The following CHKA variants were observed in gnomAD, a reference collection of about 807,000 sequenced individuals.
The protein encoded by CHKA is CHETK-alpha.
In CHKA, 34 loss-of-function variants were observed where a neutral mutation model predicts 60.1. The ratio of observed to expected loss-of-function variants is 0.57; its 90% CI spans 0.43 to 0.75. CHKA has a LOEUF of 0.75. Ranked by LOEUF, CHKA falls within the 30% of genes least tolerant of loss-of-function variation. CHKA has a pLI of 0.00. For missense variants in CHKA, 563 were observed against 561.3 expected, an observed-to-expected ratio of 1.00 and a Z score of -0.03; for synonymous variants, 217 against 223.1, an observed-to-expected ratio of 0.97 and a Z score of 0.24.
intron 2 of CHKA, among the ~76,000 whole-genome samples, chr11:68,084,133 G>C (rs1306701378): frequency 2.6e-5 from 4 of 151,130 alleles, no homozygotes; most frequent in African/African-American, 9.7e-5. Context: ...TGTAATCCCA[G>C]CTACTCAGGA....
chr11:68,097,200 T>C (rs2153023779), intron 1 of CHKA, 70 bp from the exon 2 acceptor site: 3 of 1,187,000 alleles, frequency 2.5e-6, no homozygotes, highest in African/African-American at 3.0e-5. Context: ...TGGATAAATA[T>C]GGATGAAAAG....
intron 2 of CHKA, among the ~76,000 whole-genome samples, chr11:68,092,778 T>A (rs1044538440): frequency 1.3e-5 from 2 of 152,192 alleles, no homozygotes; most frequent in African/African-American, 4.8e-5. Flanking sequence ...TCTGAGACTC[T>A]AGGCTTCATG....
intron 11 of CHKA, 182 bp downstream of exon 11, chr11:68,061,771 C>T: frequency 3.1e-6 from 2 of 646,798 alleles, no homozygotes; most frequent in Non-Finnish European, 5.7e-6. Context: ...GCGGCTTCTC[C>T]CCCGGCTTCC....
At chr11:68,093,045 T>C (rs1299737800) in intron 2 of CHKA, among the ~76,000 whole-genome samples, 1 of 149,052 alleles carries the variant, frequency 6.7e-6, no homozygotes, top group Non-Finnish European at 1.5e-5. Flanking sequence ...TCTCTCTCTG[T>C]CCCCCAGGCT....
chr11:68,075,344 C>T (rs1170004416), intron 3 of CHKA, among the ~76,000 whole-genome samples: 1 of 151,876 alleles, frequency 6.6e-6, no homozygotes, highest in Non-Finnish European at 1.5e-5. Flanking sequence ...GCTTTCTAGT[C>T]CAAAGAGCAC....
chr11:68,058,423 G>A (rs1055612962), intron 11 of CHKA, among the ~76,000 whole-genome samples: 1 of 152,176 alleles, frequency 6.6e-6, no homozygotes, highest in African/African-American at 2.4e-5. Flanking sequence ...GGGAGAATGA[G>A]CATCTTTACC....
In CHKA at chr11:68,097,110, A is replaced by G; in HGVS notation, c.371T>C (p.Leu124Pro). 2 of 1,613,626 alleles carry G rather than the reference A, an allele frequency of 1.2e-6. No individual in the cohort carries two copies. The highest frequency in any genetic ancestry group is 1.7e-6 in the Non-Finnish European group (2 of 1,179,768). ...GGTGTCAGGTAGGGAGCACTGGAAC[A>G]GCATGTTGCTAAGGCCGCCTCTGTC... is the stretch of plus-strand genomic sequence containing the variant. ...SVIRGGLSNM[L>P]FQCSLPDTTA... The change falls in exon 2 of 12, where the codon CTG becomes CCG. Residue 124 changes from leucine (L) to proline (P), a missense_variant. Physicochemically the swap from Leu to Pro is moderately conservative, Grantham distance 98. Coordinates refer to ENST00000265689, the MANE Select transcript of CHKA (RefSeq NM_001277.3).
chr11:68,069,178 C>T (rs563323177), intron 6 of CHKA, among the ~76,000 whole-genome samples: 1 of 152,272 alleles, frequency 6.6e-6, no homozygotes, highest in East Asian at 1.9e-4. Flanking sequence ...GAGCCCCTTT[C>T]TCTGCTGGTC....
At chr11:68,072,360 C>T (rs374510016) in intron 4 of CHKA, among the ~76,000 whole-genome samples, 1 of 151,934 alleles carries the variant, frequency 6.6e-6, no homozygotes, top group East Asian at 1.9e-4. Context: ...GCCTGGGCAA[C>T]ACAGGGAGAC....
At chr11:68,092,819 G>C (rs1857390385) in intron 2 of CHKA, among the ~76,000 whole-genome samples, 1 of 152,142 alleles carries the variant, frequency 6.6e-6, no homozygotes, top group South Asian at 2.1e-4. Context: ...AACCAAAAAA[G>C]TGTGTTTGAA....
intron 2 of CHKA, among the ~76,000 whole-genome samples, chr11:68,091,439 C>G (rs181599273): frequency 6.6e-6 from 1 of 152,164 alleles, no homozygotes; most frequent in Non-Finnish European, 1.5e-5. Flanking sequence ...TTATCTTGTT[C>G]ATATTTTCAA....
Position 68,053,964 on chromosome 11 carries a change from A to C in CHKA, c.*24T>G. The C allele has an allele frequency of 6.2e-7, 1 of 1,605,974 alleles. No homozygotes were observed. The highest frequency in any genetic ancestry group is 1.1e-5 in the South Asian group (1 of 90,352). On this transcript the variant is annotated 3_prime_UTR_variant, in exon 12 of 12. Coordinates refer to ENST00000265689, the MANE Select transcript of CHKA (RefSeq NM_001277.3). ...TGCCTCCCCATGCAGTCCAGTGATGAGGTGGATGGAGTCCTCCCCACAGTC... is the reference window on the plus strand; with the variant it reads ...TGCCTCCCCATGCAGTCCAGTGATGCGGTGGATGGAGTCCTCCCCACAGTC...
chr11:68,110,263 C>A (rs1858082932), intron 1 of CHKA, among the ~76,000 whole-genome samples: 1 of 151,774 alleles, frequency 6.6e-6, no homozygotes, highest in East Asian at 1.9e-4. Flanking sequence ...ATAGGAAGTC[C>A]TAACTAATAA....
chr11:68,111,701 A>G (rs1858147979), intron 1 of CHKA, among the ~76,000 whole-genome samples: 1 of 152,212 alleles, frequency 6.6e-6, no homozygotes, highest in South Asian at 2.1e-4. Context: ...ACAAAGGAGC[A>G]AAGGCAATAC....
Position 68,061,775 on chromosome 11 carries a change from G to A in CHKA, c.1314+178C>T, listed in dbSNP as rs530032624. 739 of 651,394 alleles carry A rather than the reference G, an allele frequency of 1.1e-3. 2 individuals are homozygous for A. The highest frequency in any genetic ancestry group is 9.8e-4 in the Middle Eastern group (4 of 4,102). The allele number at this position is 651,394 out of a possible 1,614,324, so 40.4% of individuals were successfully genotyped here. A position where few individuals can be genotyped will look rare whatever the true frequency, so the allele number is the denominator to read the frequency against. On this transcript the variant is annotated intron_variant, in intron 11 of 11. Coordinates refer to ENST00000265689, the MANE Select transcript of CHKA (RefSeq NM_001277.3). The stretch of plus-strand genomic sequence containing the variant: ...CATCAGTGACAGCGGCTTCTCCCCC[G>A]GCTTCCTGGGCTGAGCCACACTGTC...
chr11:68,065,948 G>A (rs1856428851), intron 8 of CHKA, 54 bp from the exon 9 acceptor site: 2 of 1,256,922 alleles, frequency 1.6e-6, no homozygotes, highest in Non-Finnish European at 2.3e-6. Flanking sequence ...ATGCCTGGAG[G>A]CTCCCTGACT....
intron 3 of CHKA, among the ~76,000 whole-genome samples, chr11:68,077,559 A>G (rs1199321667): frequency 6.6e-6 from 1 of 152,194 alleles, no homozygotes; most frequent in Non-Finnish European, 1.5e-5. Flanking sequence ...TCATTAATAC[A>G]TTTGCCTAAA....
chr11:68,066,749 T>C (rs1659091279), intron 7 of CHKA, among the ~76,000 whole-genome samples: 2 of 152,206 alleles, frequency 1.3e-5, no homozygotes, highest in South Asian at 4.1e-4. Flanking sequence ...CTCACAGCCC[T>C]AGTCCTCGCC....
chr11:68,100,655 CCAATA>C (rs1857679486), intron 1 of CHKA, among the ~76,000 whole-genome samples: 1 of 150,530 alleles, frequency 6.6e-6, no homozygotes, highest in South Asian at 2.1e-4. Flanking sequence ...AACATCATCT[CCAATA>C]AATAAATAAA....
Sources: gnomAD v4.1 joint callset for allele counts (sites outside exome capture counted in the v4.1 genomes callset) on GRCh38, gnomAD v4.1.1 for gene constraint, MANE v1.5 for transcripts, NCBI Gene and HGNC (gene_info 2026-07-23, HGNC 2026-07-21) for gene names.